PTPRN2: variants seen among roughly 807,000 people sequenced by gnomAD.
The protein encoded by PTPRN2 is receptor-type tyrosine-protein phosphatase N2.
In PTPRN2, 74 loss-of-function variants were observed where a neutral mutation model predicts 118.8. That is an observed-to-expected ratio of 0.62 (90% CI 0.52 to 0.76). The LOEUF (loss-of-function observed/expected upper bound fraction) is 0.76. PTPRN2 is among the 30% of genes least tolerant of loss of function. The pLI, the probability that PTPRN2 is intolerant of heterozygous loss-of-function variation, is 0.00. For missense variants in PTPRN2, 1,481 were observed against 1,394.4 expected, an observed-to-expected ratio of 1.06 and a Z score of -0.99; for synonymous variants, 641 against 608.0, an observed-to-expected ratio of 1.05 and a Z score of -0.80.
At chr7:158,232,626 A>G (rs1245711399) in intron 3 of PTPRN2, among the ~76,000 whole-genome samples, 1 of 152,098 alleles carries the variant, frequency 6.6e-6, no homozygotes, top group Non-Finnish European at 1.5e-5. Context: ...CAAAAGCTGA[A>G]AAGACAAGAC....
chr7:157,683,692 G>A (rs1452671759), intron 12 of PTPRN2, among the ~76,000 whole-genome samples: 2 of 152,184 alleles, frequency 1.3e-5, no homozygotes, highest in Non-Finnish European at 2.9e-5. Flanking sequence ...TAGGGCTGGT[G>A]AAAATATGAG....
intron 11 of PTPRN2, among the ~76,000 whole-genome samples, chr7:157,949,982 G>A (rs1268178890): frequency 6.6e-6 from 1 of 152,162 alleles, no homozygotes; most frequent in Non-Finnish European, 1.5e-5. Context: ...AGTTATAAAG[G>A]TTGTACTTGA....
chr7:158,357,407 C>A (rs1808476888), intron 2 of PTPRN2, among the ~76,000 whole-genome samples: 1 of 152,194 alleles, frequency 6.6e-6, no homozygotes, highest in African/African-American at 2.4e-5. Context: ...ACAGGAGGTG[C>A]CTCCATCACA....
At chr7:158,522,063 C>G (rs1472085446) in intron 1 of PTPRN2, among the ~76,000 whole-genome samples, 3 of 65,324 alleles carry the variant, frequency 4.6e-5, no homozygotes, top group Admixed American at 1.5e-4. Context: ...GTCCACGTCA[C>G]AATGGTGGAC....
intron 9 of PTPRN2, among the ~76,000 whole-genome samples, chr7:158,129,601 A>G (rs1414579859): frequency 1.3e-5 from 2 of 151,884 alleles, no homozygotes; most frequent in Non-Finnish European, 2.9e-5. Context: ...ACATTACCAC[A>G]CACACATCAC....
intron 1 of PTPRN2, among the ~76,000 whole-genome samples, chr7:158,567,433 AT>A (rs1306615516): frequency 6.6e-6 from 1 of 152,182 alleles, no homozygotes; most frequent in African/African-American, 2.4e-5. Flanking sequence ...AGCAGAGATT[AT>A]TTTTAGGAAG....
intron 2 of PTPRN2, among the ~76,000 whole-genome samples, chr7:158,489,056 CT>C (rs750089036): frequency 6.6e-6 from 1 of 152,268 alleles, no homozygotes; most frequent in Admixed American, 6.5e-5. Context: ...TTCATAATAA[CT>C]GCCGTCCTCA....
chr7:158,071,846 G>A (rs866711919), intron 11 of PTPRN2, among the ~76,000 whole-genome samples: 7 of 37,092 alleles, frequency 1.9e-4, no homozygotes, highest in South Asian at 2.3e-3. Context: ...GGAGGTGCTC[G>A]TGGTGGTGGA....
rs965708674 is a variant in PTPRN2, at chr7:158,003,757, A to G, written c.1723+77541T>C. On this transcript the variant is annotated intron_variant, in intron 11 of 22. Coordinates refer to ENST00000389418, the MANE Select transcript of PTPRN2 (RefSeq NM_002847.5). This position sits in a 1 kb window ranked among gnomAD's most constrained non-coding sequence, Gnocchi z 5.0. Reference sequence around the variant, plus strand: ...GGATCCAGGTTTCTTGGTGGTGGCGAGCTTCTCACATGGGCTTGGCGGCAC... The same window carrying G: ...GGATCCAGGTTTCTTGGTGGTGGCGGGCTTCTCACATGGGCTTGGCGGCAC... 2.6e-5 allele frequency among the ~76,000 whole-genome samples: 4 copies of G among 151,688 alleles called. No homozygotes were observed. The highest frequency in any genetic ancestry group is 4.8e-5 in the African/African-American group (2 of 41,268).
intron 14 of PTPRN2, among the ~76,000 whole-genome samples, chr7:157,650,541 G>A (rs992367945): frequency 6.6e-6 from 1 of 152,258 alleles, no homozygotes; most frequent in East Asian, 1.9e-4. Context: ...GCCAGCACCC[G>A]AGCCAGAGCG....
intron 3 of PTPRN2, among the ~76,000 whole-genome samples, chr7:158,267,602 C>G (rs142085972): frequency 6.6e-6 from 1 of 152,174 alleles, no homozygotes; most frequent in Admixed American, 6.5e-5. Flanking sequence ...GCGGGATCAC[C>G]GTGGCCTGGG....
Position 158,509,783 on chromosome 7 carries a change from C to T in PTPRN2, c.113-19998G>A, listed in dbSNP as rs1823041799. 6.6e-6 allele frequency among the ~76,000 whole-genome samples: 1 copy of T among 152,196 alleles called. No individual in the cohort carries two copies. Among genetic ancestry groups the T allele is most frequent in the South Asian group, 2.1e-4 (1 of 4,834 alleles). ...ACACGGGCAGAGTGGCAGTGGAGGG[C>T]TGGCATGCACACAGAGGATGGTGAC... On this transcript the variant is annotated intron_variant, in intron 1 of 22. Transcript: ENST00000389418. This position sits in a 1 kb window ranked among gnomAD's most constrained non-coding sequence, Gnocchi z 4.4.
At chr7:158,586,678 G>A (rs1485836136) in intron 1 of PTPRN2, among the ~76,000 whole-genome samples, 2 of 152,356 alleles carry the variant, frequency 1.3e-5, no homozygotes, top group East Asian at 1.9e-4. Flanking sequence ...CCTCGCTGCC[G>A]TGAAGCTGCC....
intron 12 of PTPRN2, among the ~76,000 whole-genome samples, chr7:157,701,114 G>T (rs1198330824): frequency 6.6e-6 from 1 of 152,098 alleles, no homozygotes; most frequent in Non-Finnish European, 1.5e-5. Context: ...GAGAAACCGT[G>T]GAATTCATGC....
chr7:158,175,021 G>A (rs1824056228), intron 5 of PTPRN2, among the ~76,000 whole-genome samples: 1 of 152,204 alleles, frequency 6.6e-6, no homozygotes, highest in Non-Finnish European at 1.5e-5. Context: ...GGAAGGCCTG[G>A]AGGTCCGGGG....
intron 6 of PTPRN2, 144 bp downstream of exon 6, chr7:158,166,787 A>G (rs1823044331): frequency 1.8e-6 from 2 of 1,115,776 alleles, no homozygotes; most frequent in Non-Finnish European, 2.4e-6. Flanking sequence ...CCTTCCCTAC[A>G]TGGTGCCCCA....
chr7:158,144,131 T>C (rs1257887632), intron 6 of PTPRN2, among the ~76,000 whole-genome samples: 1 of 152,212 alleles, frequency 6.6e-6, no homozygotes, highest in African/African-American at 2.4e-5. Context: ...TGACAAATGG[T>C]GAGAGAATAA....
chr7:158,235,850 A>G (rs1829497268), intron 3 of PTPRN2, among the ~76,000 whole-genome samples: 1 of 152,188 alleles, frequency 6.6e-6, no homozygotes, highest in Non-Finnish European at 1.5e-5. Context: ...ATGTACCCTG[A>G]AAATATGTAC....
At position 158,175,652 on chromosome 7, in the gene PTPRN2, C is replaced by T. The variant is rs566370431; in HGVS notation, c.550-8361G>A. Among the ~76,000 whole-genome samples the T allele has an allele frequency of 5.3e-5, 8 of 152,276 alleles. No homozygotes were observed. In the East Asian group the frequency reaches 5.8e-4, roughly 11 times the overall value. The stretch of plus-strand genomic sequence containing the variant: ...TTCAGGGAAGCAGGGGGGTCTCACA[C>T]GAGCGTATACGGTGCTATCTCTGCA... On this transcript the variant is annotated intron_variant, in intron 5 of 22. Transcript: ENST00000389418.
Sources: allele counts gnomAD v4.1 joint callset (sites outside exome capture counted in the v4.1 genomes callset), GRCh38; gene constraint gnomAD v4.1.1; non-coding constraint Gnocchi (gnomAD v3.1); transcripts MANE v1.5; gene names NCBI Gene and HGNC (gene_info 2026-07-23, HGNC 2026-07-21).